The following PLXDC1 variants were observed in gnomAD, a reference collection of about 807,000 sequenced individuals.
The protein encoded by PLXDC1 is plexin domain-containing protein 1.
PLXDC1 carries 39 observed loss-of-function variants against 61.3 expected under a neutral mutation model. The observed-to-expected ratio is 0.64, with a 90% confidence interval of 0.49 to 0.83. PLXDC1 has a LOEUF of 0.83. Among genes scored for constraint, PLXDC1 ranks in the 40% least tolerant of loss-of-function variants. The pLI is 0.00. For missense variants in PLXDC1, 596 were observed against 666.5 expected (o/e 0.89, Z 1.17); for synonymous variants, 212 against 254.5 (o/e 0.83, Z 1.59).
intron 7 of PLXDC1, among the ~76,000 whole-genome samples, chr17:39,090,371 C>T (rs921673174): frequency 7.2e-5 from 11 of 152,224 alleles, no homozygotes; most frequent in African/African-American, 2.4e-4. Flanking sequence ...GTGCCCCCCA[C>T]TCCCATGCCA....
chr17:39,123,442 G>A (rs1019499752), intron 2 of PLXDC1, among the ~76,000 whole-genome samples: 2 of 152,036 alleles, frequency 1.3e-5, no homozygotes, highest in Admixed American at 6.6e-5. Flanking sequence ...CACCCGCCTC[G>A]GCCTCCCAAA....
At chr17:39,137,361 C>T in intron 2 of PLXDC1, 1 of 152,304 alleles carries the variant, frequency 6.6e-6, no homozygotes, top group African/African-American at 2.4e-5. Context: ...TTGAGACCAG[C>T]CTGGCCAACA....
At chr17:39,130,493 G>A (rs184766905) in intron 2 of PLXDC1, among the ~76,000 whole-genome samples, 1 of 152,246 alleles carries the variant, frequency 6.6e-6, no homozygotes, top group African/African-American at 2.4e-5. Flanking sequence ...GAACTGGATG[G>A]GGGGTTGGTT....
chr17:39,129,573 C>T (rs569153283), intron 2 of PLXDC1, among the ~76,000 whole-genome samples: 20 of 136,170 alleles, frequency 1.5e-4, no homozygotes, highest in East Asian at 2.3e-4. Flanking sequence ...GCTGAGATTG[C>T]GCCACTACAC....
At position 39,079,096 on chromosome 17, in the gene PLXDC1, C is replaced by T. The variant is rs1567754573; in HGVS notation, c.1050+8G>A. Reference sequence around the variant, plus strand: ...ACAGGAGTTGCAGCAGATACTTATGCTTCTCACCTCCTGTGCACAGCCATA... The same window carrying T: ...ACAGGAGTTGCAGCAGATACTTATGTTTCTCACCTCCTGTGCACAGCCATA... On this transcript the variant is annotated splice_region_variant and intron_variant, in intron 10 of 13. Transcript: ENST00000315392. The T allele has an allele frequency of 2.5e-6, 4 of 1,611,956 alleles. No homozygotes were observed. Among genetic ancestry groups the T allele is most frequent in the Non-Finnish European group, 3.4e-6 (4 of 1,178,234 alleles).
intron 7 of PLXDC1, among the ~76,000 whole-genome samples, chr17:39,093,364 G>A (rs1027126997): frequency 2.0e-5 from 3 of 152,122 alleles, no homozygotes; most frequent in Non-Finnish European, 2.9e-5. Context: ...GAGCCACTGC[G>A]TCAGGCCACA....
chr17:39,121,634 G>A (rs542517635), intron 2 of PLXDC1, among the ~76,000 whole-genome samples: 79 of 152,156 alleles, frequency 5.2e-4, no homozygotes, highest in Non-Finnish European at 1.1e-3. Flanking sequence ...CCCACCCATG[G>A]CAAAGACTAA....
chr17:39,131,578 C>G (rs1409625625), intron 2 of PLXDC1, among the ~76,000 whole-genome samples: 2 of 152,076 alleles, frequency 1.3e-5, no homozygotes, highest in Non-Finnish European at 2.9e-5. Flanking sequence ...GTCTTGAACT[C>G]CTGACCTCAA....
chr17:39,069,834 T>C (rs753800218), intron 13 of PLXDC1, 22 bp downstream of exon 13: 1 of 1,604,440 alleles, frequency 6.2e-7, no homozygotes, highest in Middle Eastern at 1.7e-4. Flanking sequence ...ACAGGAGCCC[T>C]GTGGCCACAG....
At chr17:39,076,547 G>A (rs930555563) in intron 11 of PLXDC1, among the ~76,000 whole-genome samples, 3 of 151,796 alleles carry the variant, frequency 2.0e-5, no homozygotes, top group Admixed American at 2.0e-4. Flanking sequence ...GGCTAGAGGG[G>A]GAAGAAAAAC....
At chr17:39,115,519 C>T (rs956890580) in intron 2 of PLXDC1, among the ~76,000 whole-genome samples, 1 of 152,202 alleles carries the variant, frequency 6.6e-6, no homozygotes, top group African/African-American at 2.4e-5. Context: ...TACTCCAGGA[C>T]AGTGAAGCCA....
In PLXDC1 at chr17:39,128,099, A is replaced by G. The variant is rs565800064; in HGVS notation, c.255+11555T>C. On this transcript the variant is annotated intron_variant, in intron 2 of 13. Transcript: ENST00000315392. Reference sequence around the variant, plus strand: ...TCTCTCTCTCTCTCTCTCTATGTGTATATATATATATATATGTATATATAT... The same window carrying G: ...TCTCTCTCTCTCTCTCTCTATGTGTGTATATATATATATATGTATATATAT... Among the ~76,000 whole-genome samples, 266 of 92,112 alleles carry G rather than the reference A, an allele frequency of 2.9e-3. 21 individuals carry two copies. The highest frequency in any genetic ancestry group is 0.011 in the African/African-American group (232 of 21,848). 60.4% of individuals were successfully genotyped at this position (92,112 alleles called of 152,430 possible). A position where few individuals can be genotyped will look rare whatever the true frequency, so the allele number is the denominator to read the frequency against.
At chr17:39,152,916 C>T (rs946807353), upstream of PLXDC1, 1 of 366,242 alleles carries the variant, frequency 2.7e-6, no homozygotes, top group African/African-American at 2.1e-5. Context: ...AACCCAATGT[C>T]CCCTTACCGT....
intron 2 of PLXDC1, 115 bp from the exon 3 acceptor site, chr17:39,109,506 G>A: frequency 7.7e-7 from 1 of 1,302,028 alleles, no homozygotes; most frequent in Non-Finnish European, 1.1e-6. Context: ...ACCCTCCCAG[G>A]GTGCTGGACC....
At chr17:39,152,415 G>T, upstream of PLXDC1, 2 of 834,550 alleles carry the variant, frequency 2.4e-6, no homozygotes, top group Non-Finnish European at 3.2e-6. Flanking sequence ...CTTCTGACAG[G>T]CTCTGGGGAT....
intron 4 of PLXDC1, 156 bp downstream of exon 4, chr17:39,108,748 C>A (rs1450940073): frequency 3.2e-6 from 2 of 634,618 alleles, no homozygotes; most frequent in Non-Finnish European, 2.9e-6. Flanking sequence ...CTGACGTCCA[C>A]TGACCCCCCT....
chr17:39,131,240 A>G (rs1911548941), intron 2 of PLXDC1, among the ~76,000 whole-genome samples: 1 of 152,192 alleles, frequency 6.6e-6, no homozygotes, highest in Admixed American at 6.5e-5. Flanking sequence ...TGTCAGGACC[A>G]AGATCGAGGG....
At chr17:39,109,181 C>T in intron 3 of PLXDC1, 67 bp downstream of exon 3, 2 of 1,543,908 alleles carry the variant, frequency 1.3e-6, no homozygotes, top group Non-Finnish European at 1.8e-6. Context: ...GCCCACTGAC[C>T]AGGCAGGGTG....
intron 1 of PLXDC1, chr17:39,144,983 A>G (rs1044097612): frequency 6.6e-6 from 1 of 152,204 alleles, no homozygotes; most frequent in African/African-American, 2.4e-5. Context: ...TTTAAAATCC[A>G]TTTTACAAAT....
Sources: gnomAD v4.1 joint callset for allele counts (sites outside exome capture counted in the v4.1 genomes callset) on GRCh38, gnomAD v4.1.1 for gene constraint, MANE v1.5 for transcripts, NCBI Gene and HGNC (gene_info 2026-07-23, HGNC 2026-07-21) for gene names.